Variants in TRAF7 observed in about 807,000 individuals in gnomAD.
The protein encoded by TRAF7 is TNF receptor associated factor 7.
In TRAF7, 45 loss-of-function variants were observed where a neutral mutation model predicts 89.3. That is an observed-to-expected ratio of 0.50 (90% confidence interval 0.40 to 0.65). The LOEUF (loss-of-function observed/expected upper bound fraction) is 0.65. Among genes scored for constraint, TRAF7 ranks in the 30% least tolerant of loss-of-function variants. The pLI, the probability that TRAF7 is intolerant of heterozygous loss-of-function variation, is 0.00. For synonymous variants in TRAF7, 406 were observed against 369.2 expected, an observed-to-expected ratio of 1.10 and a Z score of -1.14; for missense variants, 677 against 918.1, an observed-to-expected ratio of 0.74 and a Z score of 3.39.
At position 2,155,857 on chromosome 16, in the gene TRAF7, G is replaced by T. The variant is rs996733009; in HGVS notation, c.-40G>T. The T allele has an allele frequency of 3.3e-5, 5 of 150,998 alleles. No homozygotes were observed. Among genetic ancestry groups the T allele is most frequent in the Non-Finnish European group, 5.9e-5 (4 of 67,668 alleles). 9.4% of individuals were successfully genotyped at this position (150,998 alleles called of 1,614,324 possible). On this transcript the variant is annotated splice_region_variant and 5_prime_UTR_variant, in exon 1 of 21. Transcript: ENST00000326181. ...CTGCCGCTCCCGGGCGGCCGCGGGC[G>T]GGTGAGTGTCCCCGCGGCGCGCCCG... is the stretch of plus-strand genomic sequence containing the variant.
Position 2,174,235 on chromosome 16 carries a change from G to A in TRAF7, c.1264-16G>A. Reference sequence around the variant, plus strand: ...GCTGACCTTGCTGGGACCCACTGTGGCCCTGGTCTCTGCAGGTGTGGGACA... The same window carrying A: ...GCTGACCTTGCTGGGACCCACTGTGACCCTGGTCTCTGCAGGTGTGGGACA... On this transcript the variant is annotated splice_polypyrimidine_tract_variant and intron_variant, in intron 13 of 20. Transcript: ENST00000326181. 1.9e-6 allele frequency: 3 copies of A among 1,611,482 alleles called. No individual in the cohort carries two copies. The highest frequency in any genetic ancestry group is 2.5e-6 in the Non-Finnish European group (3 of 1,179,040).
chr16:2,174,085 TG>T (rs1321627221), intron 13 of TRAF7, 37 bp downstream of exon 13: 9 of 1,609,774 alleles, frequency 5.6e-6, no homozygotes, highest in Non-Finnish European at 7.6e-6. Context: ...GCAGCCTGGC[TG>T]GGCTGGGCAC....
intron 2 of TRAF7, among the ~76,000 whole-genome samples, chr16:2,165,475 CGT>C (rs1473096728): frequency 8.8e-6 from 1 of 114,184 alleles, no homozygotes; most frequent in Non-Finnish European, 1.7e-5. Flanking sequence ...CATGGTTAAG[CGT>C]GTGAGTGCTG....
In TRAF7 at chr16:2,172,297, A is replaced by G. The variant is rs1567251715; in HGVS notation, c.582A>G (p.Val194=). 4 of 1,612,764 alleles carry G rather than the reference A, an allele frequency of 2.5e-6. No homozygotes were observed. Among genetic ancestry groups the G allele is most frequent in the Non-Finnish European group, 1.7e-6 (2 of 1,179,968 alleles). The change falls in exon 8 of 21, where the codon GTA becomes GTG. Residue 194 remains valine (V), a synonymous_variant. Coordinates refer to ENST00000326181, the MANE Select transcript of TRAF7 (RefSeq NM_032271.3). ...TCCACTGCCGGCACGGCTGCCGGGT[A>G]GCGGGCAGCGGGAAGCCCCCCATCT... ...LFIHCRHGCR[V]AGSGKPPIFE...
chr16:2,164,146 G>A (rs1397404080), intron 2 of TRAF7, 145 bp downstream of exon 2: 8 of 582,636 alleles, frequency 1.4e-5, no homozygotes, highest in African/African-American at 2.2e-5. Context: ...TGTGGTGTGT[G>A]TGTGTGTGTG....
chr16:2,178,061 T>A lies in TRAF7; in HGVS notation c.*1487T>A, dbSNP rs772193884. ...TTTAAATATATATTTGTTAAAGTTA[T>A]ACCTTTTTGTTTCTCTGGGGAAATC... On this transcript the variant is annotated 3_prime_UTR_variant, in exon 21 of 21. Transcript: ENST00000326181. 26 of 483,054 alleles carry A rather than the reference T, an allele frequency of 5.4e-5. No individual in the cohort carries two copies. The highest frequency in any genetic ancestry group is 4.4e-4 in the South Asian group (26 of 59,684). 29.9% of individuals were successfully genotyped at this position (483,054 alleles called of 1,614,324 possible).
intron 2 of TRAF7, among the ~76,000 whole-genome samples, chr16:2,165,088 C>A (rs1376100792): frequency 1.6e-5 from 2 of 125,316 alleles, no homozygotes; most frequent in Non-Finnish European, 3.2e-5. Flanking sequence ...CATGGCCTGG[C>A]CTGGTCGCAT....
chr16:2,176,581 C>T lies in TRAF7; in HGVS notation c.*7C>T, dbSNP rs1596681401. The T allele has an allele frequency of 6.2e-7, 1 of 1,613,468 alleles. No individual in the cohort carries two copies. The highest frequency in any genetic ancestry group is 8.5e-7 in the Non-Finnish European group (1 of 1,179,992). ...GCAGGTTTGGACTTGCTAACAGGAT[C>T]CAGGCCAGGCTGTGGTTTCCCCTGA... On this transcript the variant is annotated 3_prime_UTR_variant, in exon 21 of 21. Coordinates refer to ENST00000326181, the MANE Select transcript of TRAF7 (RefSeq NM_032271.3).
chr16:2,177,998 G>A lies in TRAF7; in HGVS notation c.*1424G>A. On this transcript the variant is annotated 3_prime_UTR_variant, in exon 21 of 21. Transcript: ENST00000326181. ...AGCTAGACTTCGTGTCCTTTCAGTT[G>A]GTAAATGGTTTTCTATAGAATCAAT... 2.5e-6 allele frequency: 1 copy of A among 396,190 alleles called. No individual in the cohort carries two copies. The highest frequency in any genetic ancestry group is 4.8e-6 in the Non-Finnish European group (1 of 210,278). 24.5% of individuals were successfully genotyped at this position (396,190 alleles called of 1,614,324 possible).
Position 2,176,120 on chromosome 16 carries a change from G to T in TRAF7, c.1818G>T (p.Ala606=), listed in dbSNP as rs765354006. The part of the protein sequence containing the change: ...TGHVGTVYAL[A]VISTPDQTKV... ...ACGTGGGCACCGTGTATGCCCTGGC[G>T]GTCATCTCGACGCCAGACCAGACCA... Residue 606 remains alanine, a synonymous_variant, in exon 19 of 21, where the codon GCG becomes GCT. Transcript: ENST00000326181. 2 of 1,610,986 alleles carry T rather than the reference G, an allele frequency of 1.2e-6. No homozygotes were observed. The highest frequency in any genetic ancestry group is 1.7e-6 in the Non-Finnish European group (2 of 1,179,588).
chr16:2,170,533 T>G (rs879262173), intron 4 of TRAF7, 81 bp from the exon 5 acceptor site: 11 of 1,094,194 alleles, frequency 1.0e-5, no homozygotes, highest in African/African-American at 1.6e-5. Flanking sequence ...GCCCTCGCGC[T>G]TCCGCCGGGC....
intron 2 of TRAF7, among the ~76,000 whole-genome samples, chr16:2,165,141 C>G (rs1657060): frequency 0.045 from 1,321 of 29,224 alleles, no homozygotes; most frequent in Admixed American, 0.071. Flanking sequence ...TGGTCGCATG[C>G]TGAAGCGTGT....
At position 2,165,794 on chromosome 16, in the gene TRAF7, G is replaced by A. The variant is rs537004511; in HGVS notation, c.82-85G>A. 8.5e-5 allele frequency: 129 copies of A among 1,525,140 alleles called. 2 individuals carry two copies. The South Asian group carries it at 1.3e-3, about 15-fold the overall frequency. The allele number at this position is 1,525,140 out of a possible 1,614,324, so 94.5% of individuals were successfully genotyped here. A position where few individuals can be genotyped will look rare whatever the true frequency, so the allele number is the denominator to read the frequency against. Reference sequence around the variant, plus strand: ...GTGCTGCGTGGCCTGGCCTGGTCGCGTGTTAGGCATGTGAGTGGGCTCCAC... The same window carrying A: ...GTGCTGCGTGGCCTGGCCTGGTCGCATGTTAGGCATGTGAGTGGGCTCCAC... On this transcript the variant is annotated intron_variant, in intron 2 of 20. Transcript: ENST00000326181.
chr16:2,157,557 G>C (rs921892084), intron 1 of TRAF7, among the ~76,000 whole-genome samples: 5 of 152,230 alleles, frequency 3.3e-5, no homozygotes, highest in Admixed American at 1.3e-4. Flanking sequence ...TCCCGGGTCA[G>C]ATTCGTGTTC....
intron 16 of TRAF7, 21 bp from the exon 17 acceptor site, chr16:2,175,479 C>T (rs1380865502): frequency 5.6e-6 from 9 of 1,612,980 alleles, no homozygotes; most frequent in Non-Finnish European, 7.6e-6. Context: ...GCCCAGCCCA[C>T]AGTTGCAGCA....
Position 2,172,613 on chromosome 16 carries a change from GGGCGGGGGTGGGCCGGGGT to G in TRAF7, c.794+17_794+35del. On this transcript the variant is annotated intron_variant, in intron 9 of 20. Transcript: ENST00000326181. The stretch of plus-strand genomic sequence containing the variant: ...CTCCAAGTACGGGTGAGTGGGGGGC[GGGCGGGGGTGGGCCGGGGT>G]GGGCGCAGGCCCTCCACAGGCTCCG... 1 of 1,533,156 alleles carries G rather than the reference GGGCGGGGGTGGGCCGGGGT, an allele frequency of 6.5e-7. No individual in the cohort carries two copies. Among genetic ancestry groups the G allele is most frequent in the Non-Finnish European group, 8.8e-7 (1 of 1,134,024 alleles). 95.0% of individuals were successfully genotyped at this position (1,533,156 alleles called of 1,614,324 possible). A position where few individuals can be genotyped will look rare whatever the true frequency, so the allele number is the denominator to read the frequency against.
At chr16:2,169,331 C>G (rs79051471) in intron 4 of TRAF7, among the ~76,000 whole-genome samples, 3,153 of 152,262 alleles carry the variant, frequency 0.021, 106 homozygotes, top group African/African-American at 0.072. Context: ...GTGTGCCGGG[C>G]GCTGTGCTAG....
intron 9 of TRAF7, 36 bp downstream of exon 9, chr16:2,172,635 G>GGGGGGGGGGGGGGC: frequency 1.6e-6 from 2 of 1,273,312 alleles, no homozygotes; most frequent in Non-Finnish European, 2.2e-6. Context: ...GCCGGGGTGG[G>GGGGGGGGGGGGGGC]CGCAGGCCCT....
Position 2,174,233 on chromosome 16 carries a change from T to G in TRAF7, c.1264-18T>G. The G allele has an allele frequency of 6.2e-7, 1 of 1,611,020 alleles. No homozygotes were observed. Among genetic ancestry groups the G allele is most frequent in the Non-Finnish European group, 8.5e-7 (1 of 1,178,660 alleles). On this transcript the variant is annotated intron_variant, in intron 13 of 20. Transcript: ENST00000326181. ...GGGCTGACCTTGCTGGGACCCACTG[T>G]GGCCCTGGTCTCTGCAGGTGTGGGA... is the stretch of plus-strand genomic sequence containing the variant.
Sources: gnomAD v4.1 joint callset for allele counts (sites outside exome capture counted in the v4.1 genomes callset) on GRCh38, gnomAD v4.1.1 for gene constraint, MANE v1.5 for transcripts, NCBI Gene and HGNC (gene_info 2026-07-23, HGNC 2026-07-21) for gene names.